CAMTA1: variants seen among roughly 807,000 people sequenced by gnomAD.
The protein encoded by CAMTA1 is calmodulin-binding transcription activator 1.
In CAMTA1, 27 loss-of-function variants were observed where a neutral mutation model predicts 170.9. That is an observed-to-expected ratio of 0.16 (90% CI 0.12 to 0.22). The LOEUF (loss-of-function observed/expected upper bound fraction) is 0.22, where lower values mean the gene tolerates loss of function less well. CAMTA1 is among the 10% of genes least tolerant of loss of function. CAMTA1 has a pLI of 1.00. For synonymous variants in CAMTA1, 833 were observed against 891.5 expected, an observed-to-expected ratio of 0.93 and a Z score of 1.17; for missense variants, 1,619 against 2,217.2, an observed-to-expected ratio of 0.73 and a Z score of 5.42.
intron 5 of CAMTA1, among the ~76,000 whole-genome samples, chr1:7,457,909 C>A (rs1468523793): frequency 6.6e-6 from 1 of 152,156 alleles, no homozygotes; most frequent in Non-Finnish European, 1.5e-5. Flanking sequence ...GAGCTCCGGC[C>A]GACCCAGATA....
intron 3 of CAMTA1, among the ~76,000 whole-genome samples, chr1:6,936,876 C>T (rs959692313): frequency 6.6e-6 from 1 of 151,992 alleles, no homozygotes; most frequent in African/African-American, 2.4e-5. Context: ...TAGTCCCAGC[C>T]ACTCGGGAGG....
At chr1:6,900,995 C>G (rs1676812929) in intron 3 of CAMTA1, among the ~76,000 whole-genome samples, 1 of 152,192 alleles carries the variant, frequency 6.6e-6, no homozygotes, top group Non-Finnish European at 1.5e-5. Context: ...TTCAAGACTT[C>G]CTGTAATGCT....
intron 5 of CAMTA1, among the ~76,000 whole-genome samples, chr1:7,442,994 C>G (rs1444374711): frequency 6.6e-6 from 1 of 151,772 alleles, no homozygotes; most frequent in African/African-American, 2.4e-5. Context: ...TCAGGATGTC[C>G]TTTCCATCCC....
chr1:6,810,770 C>G (rs185883862), intron 1 of CAMTA1, among the ~76,000 whole-genome samples: 117 of 152,122 alleles, frequency 7.7e-4, no homozygotes, highest in Non-Finnish European at 9.9e-4. Context: ...TGCCACTGTA[C>G]TCCAGTCTGG....
intron 6 of CAMTA1, among the ~76,000 whole-genome samples, chr1:7,507,651 G>C (rs1557839189): frequency 2.0e-5 from 3 of 152,228 alleles, no homozygotes; most frequent in African/African-American, 7.2e-5. Context: ...GTGGAGGGAA[G>C]CTGCAAGCGC....
chr1:7,585,011 C>T lies in CAMTA1; in HGVS notation c.511-55389C>T, dbSNP rs1416160590. Among the ~76,000 whole-genome samples, 1 of 152,140 alleles carries T rather than the reference C, an allele frequency of 6.6e-6. No homozygotes were observed. Among genetic ancestry groups the T allele is most frequent in the Non-Finnish European group, 1.5e-5 (1 of 68,032 alleles). On this transcript the variant is annotated intron_variant, in intron 6 of 22. Coordinates refer to ENST00000303635, the MANE Select transcript of CAMTA1 (RefSeq NM_015215.4). The surrounding 1 kb of genome is among the most constrained non-coding windows in gnomAD (Gnocchi z 4.8). ...ACATAGACCATATATTATGTAATGT[C>T]CCCGGCGGGATGTGGAGTAGCACCC...
At position 7,677,510 on chromosome 1, in the gene CAMTA1, T is replaced by C; in HGVS notation, c.2780-89T>C. Reference sequence around the variant, plus strand: ...CTGGACATTAACCAATGAAGGGTAGTGGGGAGGGGACATTCCAGGCCCTGT... The same window carrying C: ...CTGGACATTAACCAATGAAGGGTAGCGGGGAGGGGACATTCCAGGCCCTGT... On this transcript the variant is annotated intron_variant, in intron 10 of 22. Coordinates refer to ENST00000303635, the MANE Select transcript of CAMTA1 (RefSeq NM_015215.4). 2.1e-6 allele frequency: 3 copies of C among 1,411,178 alleles called. No homozygotes were observed. The South Asian group carries it at 3.9e-5, about 19-fold the overall frequency. The allele number at this position is 1,411,178 out of a possible 1,614,324, so 87.4% of individuals were successfully genotyped here.
At chr1:7,537,840 G>A (rs572693093) in intron 6 of CAMTA1, among the ~76,000 whole-genome samples, 12 of 152,242 alleles carry the variant, frequency 7.9e-5, no homozygotes, top group African/African-American at 2.9e-4. Context: ...TCGCCTTTTG[G>A]GGATAGAAAA....
At chr1:7,578,254 AG>A (rs941840243) in intron 6 of CAMTA1, among the ~76,000 whole-genome samples, 3 of 152,176 alleles carry the variant, frequency 2.0e-5, no homozygotes, top group Non-Finnish European at 4.4e-5. Context: ...ATCCTGTTGG[AG>A]GGGAGGACAG....
intron 9 of CAMTA1, among the ~76,000 whole-genome samples, chr1:7,668,082 C>T (rs1456101209): frequency 6.6e-6 from 1 of 152,212 alleles, no homozygotes; most frequent in Non-Finnish European, 1.5e-5. Context: ...TGTCCCCTCC[C>T]TGCCAGCCTG....
intron 4 of CAMTA1, among the ~76,000 whole-genome samples, chr1:7,188,485 C>A (rs1278805428): frequency 4.6e-5 from 7 of 152,178 alleles, no homozygotes; most frequent in Admixed American, 6.5e-5. Context: ...CTCCCCTAAC[C>A]CTGGTAACTA....
At chr1:6,878,711 A>G (rs1670628249) in intron 3 of CAMTA1, among the ~76,000 whole-genome samples, 1 of 152,232 alleles carries the variant, frequency 6.6e-6, no homozygotes, top group Non-Finnish European at 1.5e-5. Context: ...CGTTGCCATC[A>G]GCAGGAAGCT....
At chr1:7,552,807 G>A (rs1575998803) in intron 6 of CAMTA1, among the ~76,000 whole-genome samples, 1 of 152,240 alleles carries the variant, frequency 6.6e-6, no homozygotes, top group Admixed American at 6.5e-5. Context: ...CAGCTCCCGG[G>A]ATGGCGTGCT....
intron 6 of CAMTA1, among the ~76,000 whole-genome samples, chr1:7,560,833 A>C (rs995489435): frequency 2.0e-5 from 3 of 151,278 alleles, no homozygotes; most frequent in African/African-American, 4.9e-5. Flanking sequence ...GAGAGAACAC[A>C]CAAAGGCTGG....
At chr1:7,309,025 G>A (rs568023533) in intron 5 of CAMTA1, among the ~76,000 whole-genome samples, 163 of 152,188 alleles carry the variant, frequency 1.1e-3, no homozygotes, top group Non-Finnish European at 2.0e-3. Context: ...GGATCATTAT[G>A]TCTCTTTTAT....
intron 4 of CAMTA1, among the ~76,000 whole-genome samples, chr1:7,178,878 C>T (rs1255392019): frequency 6.6e-6 from 1 of 152,224 alleles, no homozygotes; most frequent in Non-Finnish European, 1.5e-5. Flanking sequence ...TTAATCTTTT[C>T]AAAACACGAT....
chr1:7,596,979 G>T (rs1187646231), intron 6 of CAMTA1, among the ~76,000 whole-genome samples: 2 of 152,164 alleles, frequency 1.3e-5, no homozygotes, highest in Non-Finnish European at 2.9e-5. Flanking sequence ...CTGAGGACTG[G>T]TCCAGGGTAC....
At position 7,010,360 on chromosome 1, in the gene CAMTA1, G is replaced by C. The variant is rs949986550; in HGVS notation, c.235-80944G>C. On this transcript the variant is annotated intron_variant, in intron 3 of 22. Transcript: ENST00000303635. This position sits in a 1 kb window ranked among gnomAD's most constrained non-coding sequence, Gnocchi z 4.4. ...GGCCCTTGCTTGGTTGAGCTCAGCT[G>C]TGCTCAGTGACTTTGGGCCACGGGC... is the stretch of plus-strand genomic sequence containing the variant. Among the ~76,000 whole-genome samples, 1 of 152,218 alleles carries C rather than the reference G, an allele frequency of 6.6e-6. No homozygotes were observed. The highest frequency in any genetic ancestry group is 2.4e-5 in the African/African-American group (1 of 41,450).
In CAMTA1 at chr1:6,867,137, C is replaced by T. The variant is rs145971174; in HGVS notation, c.234+41927C>T. On this transcript the variant is annotated intron_variant, in intron 3 of 22. Coordinates refer to ENST00000303635, the MANE Select transcript of CAMTA1 (RefSeq NM_015215.4). ...TTTGCAAGTGTGCATCTGTATACACCGCACAACCATTACCATACTATGATA... is the reference window on the plus strand; with the variant it reads ...TTTGCAAGTGTGCATCTGTATACACTGCACAACCATTACCATACTATGATA... Among the ~76,000 whole-genome samples, 17 of 152,288 alleles carry T rather than the reference C, an allele frequency of 1.1e-4. 1 individual carries two copies. Among genetic ancestry groups the T allele is most frequent in the African/African-American group, 3.8e-4 (16 of 41,574 alleles).
Sources: gnomAD v4.1 joint callset for allele counts (sites outside exome capture counted in the v4.1 genomes callset) on GRCh38, gnomAD v4.1.1 for gene constraint, Gnocchi (gnomAD v3.1) non-coding constraint, MANE v1.5 for transcripts, NCBI Gene and HGNC (gene_info 2026-07-23, HGNC 2026-07-21) for gene names.